Variants in NR2F1 observed in about 807,000 individuals in gnomAD.
NR2F1 encodes the protein nuclear receptor subfamily 2 group F member 1.
A neutral mutation model predicts 37.7 loss-of-function variants in NR2F1; 1 was observed. The observed-to-expected ratio is 0.03, with a 90% CI of 0.01 to 0.13. The LOEUF (loss-of-function observed/expected upper bound fraction) is 0.13. Among genes scored for constraint, NR2F1 ranks in the 10% least tolerant of loss-of-function variants. NR2F1 has a pLI of 1.00. For synonymous variants in NR2F1, 275 were observed against 259.6 expected (o/e 1.06, Z -0.57); for missense variants, 268 against 578.4 (o/e 0.46, Z 5.50).
chr5:93,591,237 A>T (rs544143573), intron 2 of NR2F1, among the ~76,000 whole-genome samples: 1 of 152,342 alleles, frequency 6.6e-6, no homozygotes, highest in East Asian at 1.9e-4. Context: ...GATTTTGCAC[A>T]TTCTGCCTCA....
intron 1 of NR2F1, 194 bp downstream of exon 1, chr5:93,585,680 C>G: frequency 1.7e-6 from 1 of 584,772 alleles, no homozygotes; most frequent in Non-Finnish European, 3.0e-6. Context: ...CGCTGCCTCC[C>G]CCTCCCGGCC....
intron 1 of NR2F1, 60 bp from the exon 2 acceptor site, chr5:93,587,857 G>A: frequency 2.0e-6 from 3 of 1,497,320 alleles, no homozygotes; most frequent in Non-Finnish European, 1.8e-6. Flanking sequence ...GCTGCGGCGC[G>A]GCAATGTTCG....
chr5:93,590,450 A>G (rs1753311718), intron 2 of NR2F1, among the ~76,000 whole-genome samples: 1 of 152,226 alleles, frequency 6.6e-6, no homozygotes, highest in African/African-American at 2.4e-5. Flanking sequence ...TCCTGTGAAA[A>G]GTGTTCATTT....
In NR2F1 at chr5:93,585,048, C is replaced by T; in HGVS notation, c.25C>T (p.Arg9Ter). Reference protein sequence around the residue: MAMVVSSWRDPQDDVAGGN... With the variant: MAMVVSSW ...TATGGCAATGGTAGTTAGCAGCTGG[C>T]GAGATCCGCAGGACGACGTGGCCGG... Residue 9 changes from arginine to a stop codon, truncating the protein, a stop_gained, in exon 1 of 3, where the codon CGA becomes TGA. Transcript: ENST00000327111. LOFTEE classifies it high-confidence loss of function. The T allele has an allele frequency of 9.7e-7, 1 of 1,035,096 alleles. No homozygotes were observed. The highest frequency in any genetic ancestry group is 8.8e-5 in the East Asian group (1 of 11,364). 64.1% of individuals were successfully genotyped at this position (1,035,096 alleles called of 1,614,324 possible). A position where few individuals can be genotyped will look rare whatever the true frequency, so the allele number is the denominator to read the frequency against.
intron 2 of NR2F1, among the ~76,000 whole-genome samples, chr5:93,588,805 GTGTGTGTCTC>G (rs1753281954): frequency 6.6e-6 from 1 of 151,806 alleles, no homozygotes; most frequent in Non-Finnish European, 1.5e-5. Flanking sequence ...GTGTGTGTGT[GTGTGTGTCTC>G]TGTGTGTGTG....
chr5:93,588,794 T>C lies in NR2F1; in HGVS notation c.991+350T>C, dbSNP rs569668150. Among the ~76,000 whole-genome samples, 524 of 148,966 alleles carry C rather than the reference T, an allele frequency of 3.5e-3. 1 individual carries two copies. The highest frequency in any genetic ancestry group is 7.0e-3 in the Middle Eastern group (2 of 286). ...GTCTGGCTGCGCGCGCGCGCGCGCG[T>C]GTGTGTGTGTGTGTGTGTCTCTGTG... On this transcript the variant is annotated intron_variant, in intron 2 of 2. Coordinates refer to ENST00000327111, the MANE Select transcript of NR2F1 (RefSeq NM_005654.6).
rs1342993669 is a variant in NR2F1 at position 93,587,685 on chromosome 5, G to A, written c.464-232G>A. The A allele has an allele frequency of 2.2e-5, 12 of 535,670 alleles. No individual in the cohort carries two copies. In the South Asian group the frequency reaches 3.6e-4, roughly 16 times the overall value. The allele number at this position is 535,670 out of a possible 1,614,324, so 33.2% of individuals were successfully genotyped here. On this transcript the variant is annotated intron_variant, in intron 1 of 2. Coordinates refer to ENST00000327111, the MANE Select transcript of NR2F1 (RefSeq NM_005654.6). ...TGGAGTCAGGCCTAGCTCCGGCGGG[G>A]CTGACGTGGCCAGGGGCTCAGGCAG...
In NR2F1 at chr5:93,588,362, G is replaced by A; in HGVS notation, c.909G>A (p.Gln303=). The stretch of plus-strand genomic sequence containing the variant: ...TCATGGACCACATCCGCATCTTCCA[G>A]GAGCAGGTGGAGAAGCTCAAGGCGC... The part of the protein sequence containing the change: ...VAFMDHIRIF[Q]EQVEKLKALH... The change falls in exon 2 of 3, where the codon CAG becomes CAA. Residue 303 remains glutamine, a synonymous_variant. Coordinates refer to ENST00000327111, the MANE Select transcript of NR2F1 (RefSeq NM_005654.6). 1 of 1,612,958 alleles carries A rather than the reference G, an allele frequency of 6.2e-7. No individual in the cohort carries two copies. Among genetic ancestry groups the A allele is most frequent in the East Asian group, 2.2e-5 (1 of 44,882 alleles).
rs1376475255 is a variant in NR2F1 at position 93,593,994 on chromosome 5, A to G, written c.*152A>G. ...GGGCCGAGACAGGAGCAGCCCACCC[A>G]GCAGAAATACAATCCGAGCTACAAA... On this transcript the variant is annotated 3_prime_UTR_variant, in exon 3 of 3. Transcript: ENST00000327111. The surrounding 1 kb of genome is among the most constrained non-coding windows in gnomAD (Gnocchi z 5.6). 4.2e-5 allele frequency: 27 copies of G among 641,884 alleles called. No homozygotes were observed. In the East Asian group the frequency reaches 7.3e-4, roughly 17 times the overall value. 39.8% of individuals were successfully genotyped at this position (641,884 alleles called of 1,614,324 possible). A position where few individuals can be genotyped will look rare whatever the true frequency, so the allele number is the denominator to read the frequency against.
chr5:93,590,034 T>C (rs188846986), intron 2 of NR2F1, among the ~76,000 whole-genome samples: 2 of 152,372 alleles, frequency 1.3e-5, no homozygotes, highest in East Asian at 3.9e-4. Context: ...ATGCATTTTA[T>C]CTTAATAAGT....
At chr5:93,592,679 C>G (rs568462262) in intron 2 of NR2F1, among the ~76,000 whole-genome samples, 1 of 142,474 alleles carries the variant, frequency 7.0e-6, no homozygotes, top group East Asian at 2.2e-4. Flanking sequence ...CACATCCCCC[C>G]CTACCCCCCC....
At position 93,588,788 on chromosome 5, in the gene NR2F1, CGCGCGT is replaced by C. The variant is rs1475086288; in HGVS notation, c.991+346_991+351del. On this transcript the variant is annotated intron_variant, in intron 2 of 2. Coordinates refer to ENST00000327111, the MANE Select transcript of NR2F1 (RefSeq NM_005654.6). ...GGATCCGTCTGGCTGCGCGCGCGCGCGCGCGTGTGTGTGTGTGTGTGTGTCTCTGTG... is the reference window on the plus strand; with the variant it reads ...GGATCCGTCTGGCTGCGCGCGCGCGCGTGTGTGTGTGTGTGTGTCTCTGTG... 1.8e-4 allele frequency among the ~76,000 whole-genome samples: 27 copies of C among 149,826 alleles called. No individual in the cohort carries two copies. The East Asian group carries it at 4.7e-3, about 26-fold the overall frequency.
In NR2F1 at chr5:93,592,671, C is replaced by T. The variant is rs1489772752; in HGVS notation, c.992-891C>T. On this transcript the variant is annotated intron_variant, in intron 2 of 2. Coordinates refer to ENST00000327111, the MANE Select transcript of NR2F1 (RefSeq NM_005654.6). ...TCCCCCCTCAACTCCCCACCACCCA[C>T]ATCCCCCCCTACCCCCCCAGTTCTG... Among the ~76,000 whole-genome samples the T allele has an allele frequency of 2.9e-5, 4 of 137,990 alleles. No homozygotes were observed. The Admixed American group carries it at 3.0e-4, about 10-fold the overall frequency. The allele number at this position is 137,990 out of a possible 152,430, so 90.5% of individuals were successfully genotyped here. A position where few individuals can be genotyped will look rare whatever the true frequency, so the allele number is the denominator to read the frequency against.
In NR2F1 at chr5:93,588,076, T is replaced by G. The variant is rs1297726173; in HGVS notation, c.623T>G (p.Met208Arg). 1 of 1,614,118 alleles carries G rather than the reference T, an allele frequency of 6.2e-7. No homozygotes were observed. The highest frequency in any genetic ancestry group is 1.7e-5 in the Admixed American group (1 of 60,026). ...YPTSRYGSQC[M>R]QPNNIMGIEN... Reference sequence around the variant, plus strand: ...ACGTCGCGCTACGGCAGCCAGTGCATGCAGCCCAACAACATTATGGGCATC... The same window carrying G: ...ACGTCGCGCTACGGCAGCCAGTGCAGGCAGCCCAACAACATTATGGGCATC... Residue 208 changes from methionine to arginine, a missense_variant, in exon 2 of 3, where the codon ATG becomes AGG. Met to Arg is a moderately conservative substitution (Grantham distance 91). Coordinates refer to ENST00000327111, the MANE Select transcript of NR2F1 (RefSeq NM_005654.6).
chr5:93,588,394 T>G lies in NR2F1; in HGVS notation c.941T>G (p.Val314Gly). The G allele has an allele frequency of 6.2e-7, 1 of 1,612,564 alleles. No homozygotes were observed. Among genetic ancestry groups the G allele is most frequent in the South Asian group, 1.1e-5 (1 of 91,050 alleles). ...EQVEKLKALH[V>G]DSAEYSCLKA... The stretch of plus-strand genomic sequence containing the variant: ...GTGGAGAAGCTCAAGGCGCTACACG[T>G]CGACTCAGCCGAGTACAGCTGCCTC... Residue 314 changes from valine to glycine, a missense_variant, in exon 2 of 3, where the codon GTC becomes GGC. Around this residue, in one of 5 missense-constraint regions of NR2F1, gnomAD observed 99 missense variants for 191.9 expected, o/e 0.52. Coordinates refer to ENST00000327111, the MANE Select transcript of NR2F1 (RefSeq NM_005654.6).
chr5:93,593,413 G>T lies in NR2F1; in HGVS notation c.992-149G>T, dbSNP rs920266189. The T allele has an allele frequency of 4.0e-6, 3 of 757,724 alleles. No homozygotes were observed. The highest frequency in any genetic ancestry group is 1.7e-5 in the African/African-American group (1 of 57,438). 46.9% of individuals were successfully genotyped at this position (757,724 alleles called of 1,614,324 possible). ...TGAAGAAGGGGATGGAGAGGTATAGGAGGGTGAATTTTTCTTTTCTCTTTT... is the reference window on the plus strand; with the variant it reads ...TGAAGAAGGGGATGGAGAGGTATAGTAGGGTGAATTTTTCTTTTCTCTTTT... On this transcript the variant is annotated intron_variant, in intron 2 of 2. Coordinates refer to ENST00000327111, the MANE Select transcript of NR2F1 (RefSeq NM_005654.6). This position sits in a 1 kb window ranked among gnomAD's most constrained non-coding sequence, Gnocchi z 5.6.
At position 93,593,082 on chromosome 5, in the gene NR2F1, A is replaced by G. The variant is rs2149945672; in HGVS notation, c.992-480A>G. ...GAGGGGACTCCAGGAATCCTTTAAG[A>G]ACTGCCTTCAGGCTGCATATTTCCT... On this transcript the variant is annotated intron_variant, in intron 2 of 2. Coordinates refer to ENST00000327111, the MANE Select transcript of NR2F1 (RefSeq NM_005654.6). This position sits in a 1 kb window ranked among gnomAD's most constrained non-coding sequence, Gnocchi z 5.6. 6.6e-6 allele frequency among the ~76,000 whole-genome samples: 1 copy of G among 152,174 alleles called. No individual in the cohort carries two copies. Among genetic ancestry groups the G allele is most frequent in the African/African-American group, 2.4e-5 (1 of 41,510 alleles).
chr5:93,583,910 C>G lies in NR2F1; in HGVS notation c.-1114C>G, dbSNP rs1753174275. On this transcript the variant is annotated 5_prime_UTR_variant, in exon 1 of 3. Transcript: ENST00000327111. ...CGTATTTTTCTCCCCCTTCCGTCAC[C>G]TCCCGAAAGAAGAAGGCAGCGAGAG... The G allele has an allele frequency of 6.6e-6, 1 of 152,478 alleles. No homozygotes were observed. The highest frequency in any genetic ancestry group is 2.4e-5 in the African/African-American group (1 of 41,412). 9.4% of individuals were successfully genotyped at this position (152,478 alleles called of 1,614,324 possible).
intron 1 of NR2F1, among the ~76,000 whole-genome samples, chr5:93,586,100 G>C (rs913620961): frequency 6.6e-6 from 1 of 152,042 alleles, no homozygotes; most frequent in Non-Finnish European, 1.5e-5. Context: ...CTTCTGGCCC[G>C]TTCACTGGTT....
Sources: allele counts gnomAD v4.1 joint callset (sites outside exome capture counted in the v4.1 genomes callset), GRCh38; gene constraint gnomAD v4.1.1; regional missense constraint gnomAD v4.1.1; non-coding constraint Gnocchi (gnomAD v3.1); transcripts MANE v1.5; gene names NCBI Gene and HGNC (gene_info 2026-07-23, HGNC 2026-07-21).